Variants in FILIP1 observed in about 807,000 individuals in gnomAD.
FILIP1 encodes filamin-A-interacting protein 1.
A neutral mutation model predicts 102.1 loss-of-function variants in FILIP1; 61 were observed. The observed-to-expected ratio is 0.60, with a 90% confidence interval of 0.49 to 0.74. The LOEUF is 0.74. Ranked by LOEUF, FILIP1 falls within the 30% of genes least tolerant of loss-of-function variation. The probability of loss-of-function intolerance (pLI) is 0.00; values close to 1 mark genes in which losing one functional copy is unlikely to be tolerated. For missense variants in FILIP1, 1,314 were observed against 1,441.2 expected, an observed-to-expected ratio of 0.91 and a Z score of 1.43; for synonymous variants, 491 against 526.9, an observed-to-expected ratio of 0.93 and a Z score of 0.93.
At chr6:75,333,482 C>T (rs1162396928) in intron 4 of FILIP1, among the ~76,000 whole-genome samples, 2 of 152,000 alleles carry the variant, frequency 1.3e-5, no homozygotes, top group Non-Finnish European at 2.9e-5. Flanking sequence ...AGAAGTTCAT[C>T]CAGTCACATG....
exon 7 of FILIP1, chr6:75,294,547 G>C (rs138467823): frequency 4.6e-5 from 7 of 152,074 alleles, no homozygotes; most frequent in African/African-American, 1.2e-4. Flanking sequence ...AGTAATGCAC[G>C]TTGTGCTTTT....
intron 2 of FILIP1, among the ~76,000 whole-genome samples, chr6:75,396,582 C>T (rs774970484): frequency 6.6e-6 from 1 of 152,014 alleles, no homozygotes; most frequent in Non-Finnish European, 1.5e-5. Context: ...ATAAGAATGG[C>T]GAGCCTGTTG....
intron 2 of FILIP1, among the ~76,000 whole-genome samples, chr6:75,373,815 C>G (rs1775657638): frequency 6.6e-6 from 1 of 152,094 alleles, no homozygotes; most frequent in African/African-American, 2.4e-5. Context: ...TCAAGACCAG[C>G]TTGGGCAACA....
intron 2 of FILIP1, 122 bp from the exon 3 acceptor site, chr6:75,363,039 C>A: frequency 1.1e-6 from 1 of 902,314 alleles, no homozygotes; most frequent in Non-Finnish European, 1.7e-6. Context: ...GGCAAATTCA[C>A]TGGGTATTCT....
At chr6:75,306,681 T>G (rs999830188), downstream of FILIP1, among the ~76,000 whole-genome samples, 6 of 152,304 alleles carry the variant, frequency 3.9e-5, no homozygotes, top group Admixed American at 3.9e-4. Flanking sequence ...TTTCTCAGTC[T>G]CTCCCTCTCC....
exon 7 of FILIP1, chr6:75,292,518 A>G (rs563218668): frequency 6.6e-6 from 1 of 152,358 alleles, no homozygotes; most frequent in African/African-American, 2.4e-5. Flanking sequence ...AAAATTAAGA[A>G]ATACTAATGG....
At chr6:75,413,090 C>T (rs1777131450) in intron 2 of FILIP1, among the ~76,000 whole-genome samples, 1 of 152,024 alleles carries the variant, frequency 6.6e-6, no homozygotes. Context: ...CCACTATAAA[C>T]ATAAAAACCA....
At chr6:75,331,273 GC>G (rs1774070329) in intron 4 of FILIP1, among the ~76,000 whole-genome samples, 1 of 152,148 alleles carries the variant, frequency 6.6e-6, no homozygotes, top group Non-Finnish European at 1.5e-5. Context: ...GCTCATATGA[GC>G]CACAGAAATG....
chr6:75,300,136 A>G (rs1445301504), intron 6 of FILIP1, among the ~76,000 whole-genome samples: 4 of 152,058 alleles, frequency 2.6e-5, no homozygotes, highest in Non-Finnish European at 5.9e-5. Context: ...AAAAAAAAAC[A>G]TTCTTCTCTA....
intron 1 of FILIP1, among the ~76,000 whole-genome samples, chr6:75,473,194 C>A (rs907859716): frequency 6.6e-6 from 1 of 152,002 alleles, no homozygotes; most frequent in African/African-American, 2.4e-5. Flanking sequence ...TACTTTGATA[C>A]CTCAAAGTGC....
chr6:75,432,402 G>T (rs1355187044), intron 1 of FILIP1, among the ~76,000 whole-genome samples: 1 of 152,204 alleles, frequency 6.6e-6, no homozygotes, highest in Non-Finnish European at 1.5e-5. Context: ...TAGATGATTT[G>T]TGTCAGCATG....
chr6:75,386,013 A>G (rs571073511), intron 2 of FILIP1: 1 of 152,306 alleles, frequency 6.6e-6, no homozygotes, highest in East Asian at 1.9e-4. Context: ...TAATAGCTGG[A>G]AAGTTTCAGG....
chr6:75,450,298 A>G (rs773586904), intron 1 of FILIP1, among the ~76,000 whole-genome samples: 1 of 152,098 alleles, frequency 6.6e-6, no homozygotes, highest in Non-Finnish European at 1.5e-5. Flanking sequence ...ACTGATTTCA[A>G]GAGATGTTCT....
At chr6:75,374,634 C>A (rs1043170634) in intron 2 of FILIP1, among the ~76,000 whole-genome samples, 2 of 152,198 alleles carry the variant, frequency 1.3e-5, no homozygotes, top group Non-Finnish European at 2.9e-5. Flanking sequence ...CCCACCTCGG[C>A]CTCCCAGAGT....
chr6:75,397,600 ATAT>A (rs755036718), intron 2 of FILIP1, among the ~76,000 whole-genome samples: 15 of 150,058 alleles, frequency 1.0e-4, no homozygotes, highest in African/African-American at 2.5e-4. Flanking sequence ...ATATATATAT[ATAT>A]AATTCCAAGT....
At chr6:75,405,732 A>G (rs1250300555) in intron 2 of FILIP1, among the ~76,000 whole-genome samples, 1 of 152,118 alleles carries the variant, frequency 6.6e-6, no homozygotes, top group Non-Finnish European at 1.5e-5. Context: ...TGCACAGGCT[A>G]AACTAATTCT....
chr6:75,292,732 C>A (rs1489973137), exon 7 of FILIP1: 1 of 152,072 alleles, frequency 6.6e-6, no homozygotes, highest in Non-Finnish European at 1.5e-5. Flanking sequence ...TGCACTTTTG[C>A]TATTTTTAGA....
At chr6:75,383,625 G>A (rs1040260309) in intron 2 of FILIP1, among the ~76,000 whole-genome samples, 6 of 152,098 alleles carry the variant, frequency 3.9e-5, no homozygotes, top group Non-Finnish European at 7.4e-5. Flanking sequence ...TGTTTTCTCT[G>A]TAGATATACA....
At chr6:75,311,787 G>A (rs908935541) in intron 5 of FILIP1, among the ~76,000 whole-genome samples, 2 of 152,120 alleles carry the variant, frequency 1.3e-5, no homozygotes, top group Non-Finnish European at 2.9e-5. Flanking sequence ...ATGAGCCACC[G>A]CACCCAGCCC....
Sources: allele counts gnomAD v4.1 joint callset (sites outside exome capture counted in the v4.1 genomes callset), GRCh38; gene constraint gnomAD v4.1.1; transcripts MANE v1.5; gene names NCBI Gene and HGNC (gene_info 2026-07-23, HGNC 2026-07-21).